Variants in TTC39B observed in about 807,000 individuals in gnomAD.
The protein encoded by TTC39B is tetratricopeptide repeat domain 39B.
A neutral mutation model predicts 96.6 loss-of-function variants in TTC39B; 92 were observed. The ratio of observed to expected loss-of-function variants is 0.95; its 90% confidence interval spans 0.80 to 1.13. The LOEUF (loss-of-function observed/expected upper bound fraction) is 1.13. TTC39B is among the 50% of genes most tolerant of loss of function. The pLI, the probability that TTC39B is intolerant of heterozygous loss-of-function variation, is 0.00. For missense variants in TTC39B, 955 were observed against 809.3 expected (o/e 1.18, Z -2.18); for synonymous variants, 367 against 299.4 (o/e 1.23, Z -2.33).
chr9:15,207,193 G>C (rs1251403605), intron 6 of TTC39B, among the ~76,000 whole-genome samples: 1 of 152,166 alleles, frequency 6.6e-6, no homozygotes, highest in Non-Finnish European at 1.5e-5. Context: ...GTTCTTTAGA[G>C]TAGTGTGAAA....
intron 16 of TTC39B, 78 bp downstream of exon 16, chr9:15,185,202 C>A: frequency 1.3e-6 from 2 of 1,495,590 alleles, no homozygotes; most frequent in South Asian, 2.8e-5. Flanking sequence ...AACTTCATAA[C>A]CAAATTTAGA....
intron 2 of TTC39B, among the ~76,000 whole-genome samples, chr9:15,251,518 G>T (rs544723726): frequency 6.6e-6 from 1 of 151,606 alleles, no homozygotes; most frequent in African/African-American, 2.4e-5. Flanking sequence ...GCTGAGTAGC[G>T]CCATTGCACT....
intron 8 of TTC39B, among the ~76,000 whole-genome samples, chr9:15,199,597 T>A (rs903117848): frequency 6.0e-5 from 9 of 150,614 alleles, no homozygotes; most frequent in South Asian, 2.1e-4. Context: ...TAGCCGGGCG[T>A]GGTGGCGGGC....
At chr9:15,172,491 C>A (rs1166993205) in intron 19 of TTC39B, among the ~76,000 whole-genome samples, 1 of 152,114 alleles carries the variant, frequency 6.6e-6, no homozygotes, top group Admixed American at 6.6e-5. Context: ...ACATGGTTAG[C>A]ATGATCACAT....
Position 15,226,291 on chromosome 9 carries a change from G to A in TTC39B, c.276-279C>T, listed in dbSNP as rs1391102928. 2.6e-5 allele frequency among the ~76,000 whole-genome samples: 4 copies of A among 152,220 alleles called. No individual in the cohort carries two copies. In the East Asian group the frequency reaches 7.7e-4, roughly 29 times the overall value. On this transcript the variant is annotated intron_variant, in intron 2 of 19. Transcript: ENST00000512701. Reference sequence around the variant, plus strand: ...CCACCCAAAGATAGGATTGTATCTTGTATATATCCGTCCAGGTTTTTTCCC... The same window carrying A: ...CCACCCAAAGATAGGATTGTATCTTATATATATCCGTCCAGGTTTTTTCCC...
chr9:15,290,987 C>T (rs1239461994), intron 1 of TTC39B, among the ~76,000 whole-genome samples: 1 of 152,192 alleles, frequency 6.6e-6, no homozygotes, highest in African/African-American at 2.4e-5. Context: ...CTTAATAAAG[C>T]TGGGCGTGTT....
At chr9:15,197,574 A>G (rs1362248555) in intron 8 of TTC39B, among the ~76,000 whole-genome samples, 1 of 152,214 alleles carries the variant, frequency 6.6e-6, no homozygotes, top group Non-Finnish European at 1.5e-5. Context: ...ATTTTTACAC[A>G]GTGGAAAATG....
At chr9:15,242,488 C>T (rs750176679) in intron 2 of TTC39B, among the ~76,000 whole-genome samples, 5 of 152,080 alleles carry the variant, frequency 3.3e-5, no homozygotes, top group African/African-American at 4.8e-5. Context: ...GCGGCTGAAG[C>T]GGGAGGATCG....
intron 19 of TTC39B, 105 bp from the exon 20 acceptor site, chr9:15,172,214 T>G (rs1817699657): frequency 1.4e-6 from 1 of 703,780 alleles, no homozygotes; most frequent in African/African-American, 1.8e-5. Flanking sequence ...TTTCAAACTC[T>G]AATATACATA....
intron 6 of TTC39B, among the ~76,000 whole-genome samples, chr9:15,207,119 C>G (rs951854948): frequency 3.3e-5 from 5 of 152,174 alleles, no homozygotes; most frequent in Non-Finnish European, 4.4e-5. Context: ...TGAGGTCTCC[C>G]CAGCTATGCA....
chr9:15,302,615 A>G (rs677622), intron 1 of TTC39B, among the ~76,000 whole-genome samples: 128,322 of 144,920 alleles, frequency 0.89, 56,865 homozygotes, highest in East Asian at 0.97. Context: ...AGGCCGAGGT[A>G]GGTGGATCAC....
At chr9:15,278,990 A>G (rs1823650629) in intron 1 of TTC39B, among the ~76,000 whole-genome samples, 1 of 152,234 alleles carries the variant, frequency 6.6e-6, no homozygotes, top group Admixed American at 6.5e-5. Flanking sequence ...AGGCTCAGAG[A>G]TTTAAATAAC....
chr9:15,167,022 A>ATTT (rs1564299968), exon 20 of TTC39B: 4 of 9,292 alleles, frequency 4.3e-4, no homozygotes, highest in Non-Finnish European at 6.7e-4. Context: ...ATATATATAT[A>ATTT]TATATATTTT....
intron 7 of TTC39B, 63 bp from the exon 8 acceptor site, chr9:15,199,988 TTGTG>T (rs915954162): frequency 6.2e-5 from 52 of 838,404 alleles, no homozygotes; most frequent in Non-Finnish European, 9.2e-5. Context: ...GTCCCCACAG[TTGTG>T]TGTTTGTGTG....
At chr9:15,177,513 T>G (rs1588840972) in intron 18 of TTC39B, among the ~76,000 whole-genome samples, 184 bp downstream of exon 18, 1 of 152,336 alleles carries the variant, frequency 6.6e-6, no homozygotes, top group East Asian at 1.9e-4. Flanking sequence ...TAAAGTCATG[T>G]TCCACCCAGA....
At chr9:15,172,815 A>G (rs970087830) in intron 19 of TTC39B, among the ~76,000 whole-genome samples, 1 of 152,300 alleles carries the variant, frequency 6.6e-6, no homozygotes, top group South Asian at 2.1e-4. Context: ...ACTTATTTCT[A>G]TAGCCCTTCA....
At chr9:15,273,111 G>C (rs1823415600) in intron 1 of TTC39B, among the ~76,000 whole-genome samples, 1 of 152,192 alleles carries the variant, frequency 6.6e-6, no homozygotes, top group Admixed American at 6.5e-5. Context: ...GAACATTTGA[G>C]TGGAAGAGCA....
intron 1 of TTC39B, among the ~76,000 whole-genome samples, chr9:15,283,302 C>T (rs755863382): frequency 1.3e-5 from 2 of 152,190 alleles, no homozygotes; most frequent in Non-Finnish European, 1.5e-5. Flanking sequence ...GATTAATAAG[C>T]TATAACACTG....
chr9:15,251,556 C>T (rs1319841222), intron 2 of TTC39B, among the ~76,000 whole-genome samples: 1 of 151,368 alleles, frequency 6.6e-6, no homozygotes, highest in African/African-American at 2.4e-5. Flanking sequence ...AGCAAAACTC[C>T]ATCTCAAAAA....
Sources: allele counts gnomAD v4.1 joint callset (sites outside exome capture counted in the v4.1 genomes callset), GRCh38; gene constraint gnomAD v4.1.1; transcripts MANE v1.5; gene names NCBI Gene and HGNC (gene_info 2026-07-23, HGNC 2026-07-21).